Variants in ADGRV1 observed in about 807,000 individuals in gnomAD.
ADGRV1 encodes the protein G-protein coupled receptor 98.
Under a neutral mutation model 596.2 loss-of-function variants are expected in ADGRV1, and 359 were observed. That is an observed-to-expected ratio of 0.60 (90% CI 0.55 to 0.66). The LOEUF (loss-of-function observed/expected upper bound fraction) is 0.66, where lower values mean the gene tolerates loss of function less well. Ranked by LOEUF, ADGRV1 falls within the 30% of genes least tolerant of loss-of-function variation. The probability of loss-of-function intolerance (pLI) is 0.00; values close to 1 mark genes in which losing one functional copy is unlikely to be tolerated. For synonymous variants in ADGRV1, 2,681 were observed against 2,679.2 expected (o/e 1.00, Z -0.02); for missense variants, 7,274 against 7,575.6 (o/e 0.96, Z 1.48).
At chr5:91,006,133 A>G (rs1782255286) in intron 85 of ADGRV1, among the ~76,000 whole-genome samples, 1 of 152,142 alleles carries the variant, frequency 6.6e-6, no homozygotes, top group Admixed American at 6.6e-5. Context: ...GTTTAATTTT[A>G]TTTAAATATC....
intron 53 of ADGRV1, among the ~76,000 whole-genome samples, chr5:90,752,107 C>T (rs1250891303): frequency 1.3e-5 from 2 of 152,122 alleles, no homozygotes; most frequent in African/African-American, 4.8e-5. Context: ...TTCACTACTG[C>T]TTTGCCTTTG....
chr5:90,778,526 A>G lies in ADGRV1; in HGVS notation c.12766A>G (p.Asn4256Asp). 6.2e-7 allele frequency: 1 copy of G among 1,612,850 alleles called. No homozygotes were observed. Among genetic ancestry groups the G allele is most frequent in the Non-Finnish European group, 8.5e-7 (1 of 1,179,374 alleles). ...GVLSESSSTA[N>D]ITVVASDSPY... ...TCTGAGTGAATCCAGCAGCACTGCC[A>G]ACATCACGGTGGTGGCCAGCGACTC... Residue 4256 changes from asparagine to aspartate, a missense_variant, in exon 63 of 90, where the codon AAC becomes GAC. This residue lies in a region of ADGRV1 where 3,643 missense variants were observed against 3,809.2 expected (regional missense o/e 0.96). Transcript: ENST00000405460.
intron 83 of ADGRV1, among the ~76,000 whole-genome samples, chr5:90,946,931 G>T (rs913319904): frequency 6.6e-6 from 1 of 152,124 alleles, no homozygotes; most frequent in Admixed American, 6.5e-5. Context: ...ACATATGCGT[G>T]CATGTATCTT....
At chr5:90,596,386 G>A (rs1233381997) in intron 1 of ADGRV1, among the ~76,000 whole-genome samples, 1 of 151,292 alleles carries the variant, frequency 6.6e-6, no homozygotes, top group African/African-American at 2.4e-5. Flanking sequence ...CCCAGACGGG[G>A]TGGCGGCCGG....
intron 75 of ADGRV1, among the ~76,000 whole-genome samples, chr5:90,816,459 G>A (rs1275935541): frequency 1.3e-5 from 2 of 150,682 alleles, no homozygotes; most frequent in African/African-American, 4.9e-5. Flanking sequence ...TGTGCATAAT[G>A]TGCAGGTTTG....
chr5:90,740,101 G>A (rs995831612), intron 50 of ADGRV1, among the ~76,000 whole-genome samples: 4 of 152,194 alleles, frequency 2.6e-5, no homozygotes, highest in Non-Finnish European at 2.9e-5. Flanking sequence ...GAAAGTACTG[G>A]GGCTTGGCTA....
At chr5:91,008,850 T>C (rs1782500707) in intron 85 of ADGRV1, among the ~76,000 whole-genome samples, 1 of 152,178 alleles carries the variant, frequency 6.6e-6, no homozygotes. Flanking sequence ...CACCAAATTC[T>C]TGAAAATTTA....
intron 85 of ADGRV1, among the ~76,000 whole-genome samples, chr5:91,040,742 A>T (rs1408142941): frequency 6.6e-6 from 1 of 152,208 alleles, no homozygotes; most frequent in East Asian, 1.9e-4. Context: ...CTGATCCATT[A>T]TCTCCATCTA....
At chr5:91,068,043 A>G (rs1383268010) in intron 85 of ADGRV1, among the ~76,000 whole-genome samples, 2 of 152,210 alleles carry the variant, frequency 1.3e-5, no homozygotes, top group Admixed American at 6.5e-5. Flanking sequence ...TAAATTCTAA[A>G]AGCCAAGAAA....
Position 90,708,830 on chromosome 5 carries a change from G to C in ADGRV1, c.8745G>C (p.Glu2915Asp), listed in dbSNP as rs1748945451. 1 of 1,609,456 alleles carries C rather than the reference G, an allele frequency of 6.2e-7. No homozygotes were observed. Among genetic ancestry groups the C allele is most frequent in the Non-Finnish European group, 8.5e-7 (1 of 1,176,688 alleles). The change falls in exon 39 of 90, where the codon GAG (glutamate) becomes GAC (aspartate). Residue 2915 changes from glutamate (E) to aspartate (D), a missense_variant. Physicochemically the swap from Glu to Asp is conservative, Grantham distance 45. Transcript: ENST00000405460. ...NITILEDDVP[E>D]LEEYFLVNLT... ...AATTTTTTCAGGATGATGTACCAGA[G>C]CTAGAAGAATATTTCCTGGTGAATT...
In ADGRV1 at chr5:90,694,352, A is replaced by G; in HGVS notation, c.7596A>G (p.Pro2532=). The part of the protein sequence containing the change: ...LTVSILPDDF[P]EMDESFLISL... ...TGTCTATTCTTCCTGATGATTTCCC[A>G]GAGATGGATGAGAGTTTTCTAATTT... is the stretch of plus-strand genomic sequence containing the variant. Residue 2532 remains proline, a synonymous_variant, in exon 33 of 90, where the codon CCA becomes CCG. Coordinates refer to ENST00000405460, the MANE Select transcript of ADGRV1 (RefSeq NM_032119.4). 2 of 1,614,010 alleles carry G rather than the reference A, an allele frequency of 1.2e-6. No homozygotes were observed. The highest frequency in any genetic ancestry group is 1.7e-6 in the Non-Finnish European group (2 of 1,179,882).
At chr5:91,043,447 C>T (rs2151283415) in intron 85 of ADGRV1, among the ~76,000 whole-genome samples, 1 of 152,216 alleles carries the variant, frequency 6.6e-6, no homozygotes, top group Non-Finnish European at 1.5e-5. Flanking sequence ...CCAGCCCCAG[C>T]AGCCTTTTTG....
intron 32 of ADGRV1, among the ~76,000 whole-genome samples, chr5:90,693,137 G>GTTTTTTTTTTCTTTTTTTTTTTCT (rs59588885): frequency 1.5e-5 from 2 of 131,774 alleles, no homozygotes; most frequent in African/African-American, 2.9e-5. Flanking sequence ...TTCCAGGTCT[G>GTTTTTTTTTTCTTTTTTTTTTTCT]TTTTTTTTTT....
At chr5:90,928,769 A>G (rs1364786755) in intron 83 of ADGRV1, among the ~76,000 whole-genome samples, 1 of 151,314 alleles carries the variant, frequency 6.6e-6, no homozygotes, top group Non-Finnish European at 1.5e-5. Flanking sequence ...GTTTTTATCT[A>G]CTTTTGGTCT....
intron 34 of ADGRV1, among the ~76,000 whole-genome samples, chr5:90,699,514 G>A (rs115949658): frequency 6.6e-6 from 1 of 152,212 alleles, no homozygotes; most frequent in Non-Finnish European, 1.5e-5. Context: ...TTTAAGGAGG[G>A]ACTTAGAGCT....
intron 87 of ADGRV1, among the ~76,000 whole-genome samples, chr5:91,109,975 A>G (rs753338949): frequency 2.0e-5 from 3 of 152,200 alleles, no homozygotes; most frequent in Non-Finnish European, 4.4e-5. Context: ...CTGTCACAAA[A>G]CTAGGAAACT....
At position 90,815,667 on chromosome 5, in the gene ADGRV1, G is replaced by A. The variant is rs946755926; in HGVS notation, c.16127G>A (p.Ser5376Asn). 3.8e-6 allele frequency: 6 copies of A among 1,580,698 alleles called. 1 individual carries two copies. The African/African-American group carries it at 6.7e-5, about 18-fold the overall frequency. ...GIIGFSEESQ[S>N]GLELREGAVM... ...ATAGGATTCAGTGAGGAGTCCCAGA[G>A]TGGACTAGAACTCAGGGAAGGAGCT... Residue 5376 changes from serine to asparagine, a missense_variant, in exon 75 of 90, where the codon AGT (serine) becomes AAT (asparagine). Ser to Asn is a conservative substitution (Grantham distance 46). Transcript: ENST00000405460.
At chr5:90,712,262 A>G (rs1268222329) in intron 41 of ADGRV1, 25 bp from the exon 42 acceptor site, 1 of 1,422,150 alleles carries the variant, frequency 7.0e-7, no homozygotes, top group Non-Finnish European at 9.6e-7. Context: ...AATATAATAC[A>G]TTCTGCTTTT....
chr5:90,691,599 G>A (rs1303289310), intron 31 of ADGRV1, among the ~76,000 whole-genome samples: 1 of 151,820 alleles, frequency 6.6e-6, no homozygotes, highest in Admixed American at 6.6e-5. Context: ...TGGCTAGGCT[G>A]GTCTCGAACT....
Sources: gnomAD v4.1 joint callset for allele counts (sites outside exome capture counted in the v4.1 genomes callset) on GRCh38, gnomAD v4.1.1 for gene constraint, gnomAD v4.1.1 regional missense constraint, MANE v1.5 for transcripts, NCBI Gene and HGNC (gene_info 2026-07-23, HGNC 2026-07-21) for gene names.